HTR2B: variants seen among roughly 807,000 people sequenced by gnomAD.
HTR2B encodes 5-HT 2B receptor.
A neutral mutation model predicts 39.8 loss-of-function variants in HTR2B; 31 were observed. The ratio of observed to expected loss-of-function variants is 0.78; its 90% CI spans 0.58 to 1.05. The LOEUF is 1.05. HTR2B is among the 50% of genes least tolerant of loss of function. HTR2B has a pLI of 0.00. For synonymous variants in HTR2B, 210 were observed against 207.1 expected, an observed-to-expected ratio of 1.01 and a Z score of -0.12; for missense variants, 562 against 578.0, an observed-to-expected ratio of 0.97 and a Z score of 0.28.
intron 3 of HTR2B, among the ~76,000 whole-genome samples, chr2:231,113,185 A>G (rs954743442): frequency 6.6e-6 from 1 of 152,104 alleles, no homozygotes; most frequent in African/African-American, 2.4e-5. Context: ...AAACAAACCA[A>G]AAAAACCCAC....
rs757363017 is a variant in HTR2B at position 231,123,504 on chromosome 2, A to T, written c.261T>A (p.Tyr87Ter). 1 of 1,614,088 alleles carries T rather than the reference A, an allele frequency of 6.2e-7. No homozygotes were observed. Among genetic ancestry groups the T allele is most frequent in the South Asian group, 1.1e-5 (1 of 91,078 alleles). Reference sequence around the variant, plus strand: ...AGGACATTAGAAAGTAATTAGTAGCATACTGCAGCTTCTTCTCCAGTGAAA... The same window carrying T: ...AGGACATTAGAAAGTAATTAGTAGCTTACTGCAGCTTCTTCTCCAGTGAAA... ...LAVSLEKKLQ[Y>*]ATNYFLMSLA... The change falls in exon 2 of 4, where the codon TAT (tyrosine) becomes TAA (stop). Residue 87 changes from tyrosine (Y) to a stop codon, truncating the protein, a stop_gained. Coordinates refer to ENST00000258400, the MANE Select transcript of HTR2B (RefSeq NM_000867.5). LOFTEE classifies it high-confidence loss of function.
chr2:231,123,639 T>G lies in HTR2B; in HGVS notation c.126A>C (p.Glu42Asp), dbSNP rs147703298. The G allele has an allele frequency of 1.4e-5, 22 of 1,614,112 alleles. No individual in the cohort carries two copies. In the African/African-American group the frequency reaches 2.7e-4, roughly 20 times the overall value. ...SGLQTESIPE[E>D]MKQIVEEQGN... ...CCTGTTCCTCAACAATCTGTTTCAT[T>G]TCCTCTGGTATTGATTCTGTCTGTA... Residue 42 changes from glutamate to aspartate, a missense_variant, in exon 2 of 4, where the codon GAA becomes GAC. Coordinates refer to ENST00000258400, the MANE Select transcript of HTR2B (RefSeq NM_000867.5).
At chr2:231,121,885 A>C (rs906195480) in intron 2 of HTR2B, among the ~76,000 whole-genome samples, 5 of 152,186 alleles carry the variant, frequency 3.3e-5, no homozygotes. Flanking sequence ...CTGTGTGCCT[A>C]GCAAAGCACA....
Position 231,109,304 on chromosome 2 carries a change from A to C in HTR2B, c.659T>G (p.Phe220Cys). 6.2e-7 allele frequency: 1 copy of C among 1,614,036 alleles called. No individual in the cohort carries two copies. The highest frequency in any genetic ancestry group is 1.7e-5 in the Admixed American group (1 of 60,012). Residue 220 changes from phenylalanine (F) to cysteine (C), a missense_variant, in exon 4 of 4, where the codon TTT (phenylalanine) becomes TGT (cysteine). By Grantham distance (205) the Phe-to-Cys change is radical (BLOSUM62 -2). Coordinates refer to ENST00000258400, the MANE Select transcript of HTR2B (RefSeq NM_000867.5). ...TGTGAAGAAGGCAGCCAGTGAGCCA[A>C]AGAGCATGAAATCGCCAAAACGTTC... ...TKERFGDFML[F>C]GSLAAFFTPL... is the part of the protein sequence containing the mutation.
chr2:231,122,849 A>G (rs1404849171), intron 2 of HTR2B, among the ~76,000 whole-genome samples: 1 of 152,172 alleles, frequency 6.6e-6, no homozygotes, highest in Non-Finnish European at 1.5e-5. Flanking sequence ...CATTTCCTTC[A>G]GCAACTAAAC....
rs1032779805 is a variant in HTR2B at position 231,108,274 on chromosome 2, C to T, written c.*243G>A. The T allele has an allele frequency of 5.0e-6, 2 of 400,188 alleles. No homozygotes were observed. Among genetic ancestry groups the T allele is most frequent in the Non-Finnish European group, 4.5e-6 (1 of 224,278 alleles). 24.8% of individuals were successfully genotyped at this position (400,188 alleles called of 1,614,324 possible). A position where few individuals can be genotyped will look rare whatever the true frequency, so the allele number is the denominator to read the frequency against. On this transcript the variant is annotated 3_prime_UTR_variant, in exon 4 of 4. Transcript: ENST00000258400. ...TTTATTGATTTGACTTTATTTCATT[C>T]GAATACCTTAAAATTTAACCAGAGT...
intron 2 of HTR2B, among the ~76,000 whole-genome samples, chr2:231,116,051 G>A (rs932811309): frequency 6.6e-6 from 1 of 152,076 alleles, no homozygotes; most frequent in African/African-American, 2.4e-5. Flanking sequence ...AGGAACTAAT[G>A]GGAGGCCTCT....
At chr2:231,115,472 A>G (rs920091565) in intron 2 of HTR2B, among the ~76,000 whole-genome samples, 1 of 152,208 alleles carries the variant, frequency 6.6e-6, no homozygotes, top group African/African-American at 2.4e-5. Flanking sequence ...GAAAGAATAA[A>G]TGATTGGGAC....
In HTR2B at chr2:231,108,552, C is replaced by G; in HGVS notation, c.1411G>C (p.Gly471Arg). 6.2e-7 allele frequency: 1 copy of G among 1,613,900 alleles called. No individual in the cohort carries two copies. ...CTAACTTGCTCTTCAGTTTTGTCAC[C>G]TTCATTTTCAGTGAGGAGAAGCGTA... ...LDTLLLTENEGDKTEEQVSYV is the reference protein window; with the variant it reads ...LDTLLLTENERDKTEEQVSYV The change falls in exon 4 of 4, where the codon GGT becomes CGT. Residue 471 changes from glycine (G) to arginine (R), a missense_variant. Coordinates refer to ENST00000258400, the MANE Select transcript of HTR2B (RefSeq NM_000867.5).
intron 2 of HTR2B, among the ~76,000 whole-genome samples, chr2:231,118,736 G>A (rs1207295769): frequency 1.3e-5 from 2 of 152,224 alleles, no homozygotes; most frequent in African/African-American, 4.8e-5. Flanking sequence ...TACACTATTT[G>A]TCCGGAAAAT....
chr2:231,112,335 C>T (rs1695181424), intron 3 of HTR2B, among the ~76,000 whole-genome samples: 2 of 152,340 alleles, frequency 1.3e-5, no homozygotes, highest in Admixed American at 6.5e-5. Flanking sequence ...TCTGCTCTGT[C>T]GGCATCTGCC....
intron 2 of HTR2B, among the ~76,000 whole-genome samples, chr2:231,120,138 G>T (rs1012968974): frequency 1.3e-5 from 2 of 151,894 alleles, no homozygotes; most frequent in African/African-American, 4.8e-5. Context: ...TTTTAGTAGG[G>T]ACAGGGTTTC....
Position 231,108,373 on chromosome 2 carries a change from T to C in HTR2B, c.*144A>G, listed in dbSNP as rs1020151835. 1.6e-6 allele frequency: 1 copy of C among 642,090 alleles called. No homozygotes were observed. Among genetic ancestry groups the C allele is most frequent in the Admixed American group, 2.9e-5 (1 of 34,400 alleles). The allele number at this position is 642,090 out of a possible 1,614,324, so 39.8% of individuals were successfully genotyped here. ...ATAATCTTGTCCAAATTAGGAAAAT[T>C]AGATATTCTTAATACTTACATCTTA... On this transcript the variant is annotated 3_prime_UTR_variant, in exon 4 of 4. Coordinates refer to ENST00000258400, the MANE Select transcript of HTR2B (RefSeq NM_000867.5).
Position 231,123,872 on chromosome 2 carries a change from A to G in HTR2B, c.-108T>C. ...GCATTGTAACCATGCCAAACACTCA[A>G]AAGCCAAAGTTGACACCTTCCTTTA... On this transcript the variant is annotated 5_prime_UTR_variant, in exon 2 of 4. Coordinates refer to ENST00000258400, the MANE Select transcript of HTR2B (RefSeq NM_000867.5). 1 of 894,462 alleles carries G rather than the reference A, an allele frequency of 1.1e-6. No homozygotes were observed. Among genetic ancestry groups the G allele is most frequent in the Non-Finnish European group, 1.9e-6 (1 of 537,374 alleles). The allele number at this position is 894,462 out of a possible 1,614,324, so 55.4% of individuals were successfully genotyped here.
intron 2 of HTR2B, among the ~76,000 whole-genome samples, chr2:231,119,995 C>G (rs1340949501): frequency 3.3e-5 from 5 of 150,838 alleles, no homozygotes; most frequent in Admixed American, 2.0e-4. Flanking sequence ...CCCCGTCACC[C>G]AGGCTGGAGT....
At position 231,108,415 on chromosome 2, in the gene HTR2B, T is replaced by A; in HGVS notation, c.*102A>T. 1 of 818,620 alleles carries A rather than the reference T, an allele frequency of 1.2e-6. No individual in the cohort carries two copies. The highest frequency in any genetic ancestry group is 2.0e-6 in the Non-Finnish European group (1 of 505,604). 50.7% of individuals were successfully genotyped at this position (818,620 alleles called of 1,614,324 possible). On this transcript the variant is annotated 3_prime_UTR_variant, in exon 4 of 4. Coordinates refer to ENST00000258400, the MANE Select transcript of HTR2B (RefSeq NM_000867.5). ...TACATCTTAGGTTAAAGAGATGATTTGATATATGACATAAAATTCTTTATA... is the reference window on the plus strand; with the variant it reads ...TACATCTTAGGTTAAAGAGATGATTAGATATATGACATAAAATTCTTTATA...
chr2:231,113,089 G>A lies in HTR2B; in HGVS notation c.553+640C>T, dbSNP rs182244228. On this transcript the variant is annotated intron_variant, in intron 3 of 3. Coordinates refer to ENST00000258400, the MANE Select transcript of HTR2B (RefSeq NM_000867.5). The stretch of plus-strand genomic sequence containing the variant: ...TGAGGTGGGAGGATCGCTTGAGCCC[G>A]GGAAGTCGAGGCAGCAGTGAACCAT... Among the ~76,000 whole-genome samples the A allele has an allele frequency of 3.0e-3, 461 of 152,166 alleles. 2 individuals carry two copies. Among genetic ancestry groups the A allele is most frequent in the African/African-American group, 0.01 (435 of 41,510 alleles).
In HTR2B at chr2:231,108,505, C is replaced by G; in HGVS notation, c.*12G>C. The G allele has an allele frequency of 1.2e-6, 2 of 1,603,138 alleles. No individual in the cohort carries two copies. The highest frequency in any genetic ancestry group is 1.7e-6 in the Non-Finnish European group (2 of 1,170,658). The stretch of plus-strand genomic sequence containing the variant: ...TACTCATCATTATGTTTGATGACAA[C>G]TGCCAGTTCTGCTATACATAACTAA... On this transcript the variant is annotated 3_prime_UTR_variant, in exon 4 of 4. Transcript: ENST00000258400.
rs1196096878 is a variant in HTR2B, at chr2:231,117,286, A to G, written c.353-3357T>C. Among the ~76,000 whole-genome samples, 3 of 152,206 alleles carry G rather than the reference A, an allele frequency of 2.0e-5. No homozygotes were observed. The East Asian group carries it at 5.8e-4, about 29-fold the overall frequency. On this transcript the variant is annotated intron_variant, in intron 2 of 3. Transcript: ENST00000258400. ...AATGTATTCTGTCCAATATACTTCC[A>G]CAAAGACTTAAGACATTGAAAATTT...
Sources: allele counts gnomAD v4.1 joint callset (sites outside exome capture counted in the v4.1 genomes callset), GRCh38; gene constraint gnomAD v4.1.1; transcripts MANE v1.5; gene names NCBI Gene and HGNC (gene_info 2026-07-23, HGNC 2026-07-21).